The following TRHDE variants were observed in gnomAD, a reference collection of about 807,000 sequenced individuals.
The protein encoded by TRHDE is thyrotropin-releasing hormone-degrading ectoenzyme.
In TRHDE, 72 loss-of-function variants were observed where a neutral mutation model predicts 125.7. The ratio of observed to expected loss-of-function variants is 0.57; its 90% CI spans 0.47 to 0.70. TRHDE has a LOEUF of 0.70. Ranked by LOEUF, TRHDE falls within the 30% of genes least tolerant of loss-of-function variation. TRHDE has a pLI of 0.00. For synonymous variants in TRHDE, 509 were observed against 509.1 expected (o/e 1.00, Z 0.00); for missense variants, 1,110 against 1,327.1 (o/e 0.84, Z 2.54).
rs763671538 is a variant in TRHDE at position 72,273,087 on chromosome 12, C to T, written c.444C>T (p.Gly148=). The T allele has an allele frequency of 1.3e-6, 2 of 1,524,390 alleles. No individual in the cohort carries two copies. Among genetic ancestry groups the T allele is most frequent in the East Asian group, 2.4e-5 (1 of 41,166 alleles). The allele number at this position is 1,524,390 out of a possible 1,614,324, so 94.4% of individuals were successfully genotyped here. A position where few individuals can be genotyped will look rare whatever the true frequency, so the allele number is the denominator to read the frequency against. ...CGGCCCGGCGCAACCACCACGCAGG[C>T]GGGGACTCCTGGCAGCCCGAGGCGG... is the stretch of plus-strand genomic sequence containing the variant. The part of the protein sequence containing the change: ...PGSARRNHHA[G]GDSWQPEAGG... Residue 148 remains glycine (G), a synonymous_variant, in exon 1 of 19, where the codon GGC becomes GGT. Coordinates refer to ENST00000261180, the MANE Select transcript of TRHDE (RefSeq NM_013381.3). This position sits in a 1 kb window ranked among gnomAD's most constrained non-coding sequence, Gnocchi z 5.3.
intron 3 of TRHDE, among the ~76,000 whole-genome samples, chr12:72,412,281 G>T (rs1873545693): frequency 6.6e-6 from 1 of 152,034 alleles, no homozygotes; most frequent in Admixed American, 6.6e-5. Context: ...GTAAGAAAAA[G>T]AGGCAACTTA....
chr12:72,405,504 T>G (rs1340613815), intron 3 of TRHDE, among the ~76,000 whole-genome samples: 1 of 152,162 alleles, frequency 6.6e-6, no homozygotes, highest in Non-Finnish European at 1.5e-5. Context: ...CTAATTATAC[T>G]TTTCCCCAGA....
At chr12:72,655,039 A>G (rs1465927715) in intron 17 of TRHDE, among the ~76,000 whole-genome samples, 5 of 152,204 alleles carry the variant, frequency 3.3e-5, no homozygotes, top group South Asian at 2.1e-4. Context: ...CAGGCTCACA[A>G]TGTATCAGTG....
intron 3 of TRHDE, among the ~76,000 whole-genome samples, chr12:72,394,884 G>A (rs907450167): frequency 5.3e-5 from 8 of 152,026 alleles, no homozygotes; most frequent in African/African-American, 1.9e-4. Context: ...TACCTCCCAG[G>A]AATCATATTT....
At chr12:72,153,416 G>A (rs1047442115) in intron 2 of TRHDE, among the ~76,000 whole-genome samples, 3 of 152,116 alleles carry the variant, frequency 2.0e-5, no homozygotes, top group Admixed American at 2.0e-4. Flanking sequence ...TCTGATCTTA[G>A]TTATTTCTTG....
chr12:72,299,795 G>C (rs554830603), intron 2 of TRHDE, among the ~76,000 whole-genome samples: 1 of 152,078 alleles, frequency 6.6e-6, no homozygotes, highest in Non-Finnish European at 1.5e-5. Flanking sequence ...AATAAGACAA[G>C]ATAAACATAC....
intron 7 of TRHDE, among the ~76,000 whole-genome samples, chr12:72,548,672 AT>A (rs1469829530): frequency 6.7e-6 from 1 of 150,030 alleles, no homozygotes; most frequent in African/African-American, 2.4e-5. Context: ...TTTTTTTCAG[AT>A]TTTTCTGGAA....
intron 15 of TRHDE, among the ~76,000 whole-genome samples, chr12:72,650,907 G>A (rs1309500284): frequency 6.6e-6 from 1 of 152,032 alleles, no homozygotes; most frequent in African/African-American, 2.4e-5. Flanking sequence ...GTGATTTCAG[G>A]GATGCCCTGT....
Position 72,379,597 on chromosome 12 carries a change from G to T in TRHDE, c.1315+1476G>T, listed in dbSNP as rs373610329. Among the ~76,000 whole-genome samples, 6 of 152,160 alleles carry T rather than the reference G, an allele frequency of 3.9e-5. No individual in the cohort carries two copies. The South Asian group carries it at 6.2e-4, about 16-fold the overall frequency. On this transcript the variant is annotated intron_variant, in intron 3 of 18. Coordinates refer to ENST00000261180, the MANE Select transcript of TRHDE (RefSeq NM_013381.3). ...AGTACAGCAAGAGAAATAAAATGTG[G>T]ATCTTTATTTGTCCCCTTCAGACCA...
intron 12 of TRHDE, among the ~76,000 whole-genome samples, chr12:72,590,406 T>C (rs1329346921): frequency 6.6e-6 from 1 of 152,082 alleles, no homozygotes; most frequent in Non-Finnish European, 1.5e-5. Context: ...ATATTTTGAC[T>C]AGTATTATAA....
At chr12:72,528,990 T>C (rs1038460192) in intron 6 of TRHDE, among the ~76,000 whole-genome samples, 4 of 152,114 alleles carry the variant, frequency 2.6e-5, no homozygotes, top group Non-Finnish European at 4.4e-5. Context: ...TATTATTCAT[T>C]AGATCTTCAT....
At chr12:72,601,546 C>T (rs118127905) in intron 12 of TRHDE, among the ~76,000 whole-genome samples, 2,244 of 152,168 alleles carry the variant, frequency 0.015, 20 homozygotes, top group Non-Finnish European at 0.023. Flanking sequence ...GATCAAACAA[C>T]GTCTTATGCT....
intron 2 of TRHDE, among the ~76,000 whole-genome samples, chr12:72,315,183 T>G (rs182501693): frequency 1.4e-4 from 22 of 152,348 alleles, no homozygotes; most frequent in Middle Eastern, 3.4e-3. Context: ...TCATTTCTAG[T>G]TTTTCTCAGC....
chr12:72,383,965 TTTTTTAC>T (rs1457143962), intron 3 of TRHDE, among the ~76,000 whole-genome samples: 1 of 152,152 alleles, frequency 6.6e-6, no homozygotes, highest in Non-Finnish European at 1.5e-5. Context: ...TTTTTGTTAA[TTTTTTAC>T]TGATTTTACT....
intron 6 of TRHDE, among the ~76,000 whole-genome samples, chr12:72,540,897 G>A (rs1464133152): frequency 1.3e-5 from 2 of 151,642 alleles, no homozygotes; most frequent in African/African-American, 2.4e-5. Flanking sequence ...GTTGAGATGA[G>A]AATAAAATAC....
At chr12:72,454,232 A>G (rs1428248500) in intron 3 of TRHDE, among the ~76,000 whole-genome samples, 10 of 152,182 alleles carry the variant, frequency 6.6e-5, no homozygotes. Flanking sequence ...TTTTTACCTT[A>G]TAATGAAAAT....
At position 72,560,092 on chromosome 12, in the gene TRHDE, G is replaced by C. The variant is rs914718350; in HGVS notation, c.1789-2073G>C. ...CTGCAGAATTTTCTTAATTCAAGCTGTAAGTTTATGCAAGCTTTCTCTTTT... is the reference window on the plus strand; with the variant it reads ...CTGCAGAATTTTCTTAATTCAAGCTCTAAGTTTATGCAAGCTTTCTCTTTT... On this transcript the variant is annotated intron_variant, in intron 7 of 18. Coordinates refer to ENST00000261180, the MANE Select transcript of TRHDE (RefSeq NM_013381.3). Among the ~76,000 whole-genome samples the C allele has an allele frequency of 4.1e-5, 6 of 147,822 alleles. No homozygotes were observed. The Admixed American group carries it at 4.1e-4, about 10-fold the overall frequency.
chr12:72,202,822 A>C (rs1034518597), intron 2 of TRHDE, among the ~76,000 whole-genome samples: 1 of 152,164 alleles, frequency 6.6e-6, no homozygotes, highest in South Asian at 2.1e-4. Flanking sequence ...TATCATTTAG[A>C]ATCTTTTATT....
chr12:72,273,606 C>T lies in TRHDE; in HGVS notation c.914+49C>T, dbSNP rs371853289. On this transcript the variant is annotated intron_variant, in intron 1 of 18. Transcript: ENST00000261180. The surrounding 1 kb of genome is among the most constrained non-coding windows in gnomAD (Gnocchi z 5.3). ...CGCTGCCCCACCCCGGCGCGCGGCT[C>T]GAACCTCTGGGCGGCCTGCGACCCC... 6 of 1,524,860 alleles carry T rather than the reference C, an allele frequency of 3.9e-6. No individual in the cohort carries two copies. The highest frequency in any genetic ancestry group is 1.2e-5 in the South Asian group (1 of 81,830). 94.5% of individuals were successfully genotyped at this position (1,524,860 alleles called of 1,614,324 possible). A position where few individuals can be genotyped will look rare whatever the true frequency, so the allele number is the denominator to read the frequency against.
Sources: gnomAD v4.1 joint callset for allele counts (sites outside exome capture counted in the v4.1 genomes callset) on GRCh38, gnomAD v4.1.1 for gene constraint, Gnocchi (gnomAD v3.1) non-coding constraint, MANE v1.5 for transcripts, NCBI Gene and HGNC (gene_info 2026-07-23, HGNC 2026-07-21) for gene names.